FNBP1: variants seen among roughly 807,000 people sequenced by gnomAD.
FNBP1 encodes formin-binding protein 1.
Under a neutral mutation model 90.6 loss-of-function variants are expected in FNBP1, and 26 were observed. The ratio of observed to expected loss-of-function variants is 0.29; its 90% CI spans 0.21 to 0.40. FNBP1 has a LOEUF of 0.40. FNBP1 is among the 10% of genes least tolerant of loss of function. The pLI, the probability that FNBP1 is intolerant of heterozygous loss-of-function variation, is 1.00. For missense variants in FNBP1, 635 were observed against 768.0 expected (o/e 0.83, Z 2.05); for synonymous variants, 260 against 265.2 (o/e 0.98, Z 0.19).
chr9:129,898,333 A>G (rs578137556), intron 15 of FNBP1, among the ~76,000 whole-genome samples: 8 of 151,962 alleles, frequency 5.3e-5, no homozygotes, highest in Non-Finnish European at 8.8e-5. Context: ...ACATTTCACT[A>G]TTAGGACTTA....
Position 130,041,043 on chromosome 9 carries a change from C to A in FNBP1, c.24+1909G>T, listed in dbSNP as rs2059780368. Among the ~76,000 whole-genome samples, 1 of 148,932 alleles carries A rather than the reference C, an allele frequency of 6.7e-6. No homozygotes were observed. The highest frequency in any genetic ancestry group is 6.7e-5 in the Admixed American group (1 of 14,860). ...TAAGAGGAGGCCTCTCCAGATATTC[C>A]CCAAGCTGTTCTTGAACTCCTGGGC... On this transcript the variant is annotated intron_variant, in intron 1 of 16. Coordinates refer to ENST00000446176, the MANE Select transcript of FNBP1 (RefSeq NM_015033.3). The surrounding 1 kb of genome is among the most constrained non-coding windows in gnomAD (Gnocchi z 4.3).
chr9:130,043,219 C>G, upstream of FNBP1: 1 of 340,020 alleles, frequency 2.9e-6, no homozygotes, highest in Non-Finnish European at 5.3e-6. Context: ...CGCCCTACAC[C>G]CGGAGAGCGG....
At chr9:130,050,963 C>A in the FNBP1 span, among the ~76,000 whole-genome samples, 319 of 150,868 alleles carry the variant, frequency 2.1e-3, 2 homozygotes, top group African/African-American at 7.4e-3. Context: ...TGCAATGGTA[C>A]AATCTGGGCT....
chr9:129,982,400 G>A (rs2051403535), intron 2 of FNBP1, among the ~76,000 whole-genome samples: 2 of 152,144 alleles, frequency 1.3e-5, no homozygotes, highest in South Asian at 4.1e-4. Context: ...GAACCTGGGA[G>A]GCAGAGGTTG....
At chr9:129,969,112 G>T (rs1019467697) in intron 4 of FNBP1, among the ~76,000 whole-genome samples, 10 of 152,180 alleles carry the variant, frequency 6.6e-5, no homozygotes, top group Non-Finnish European at 1.2e-4. Flanking sequence ...TACATTTACA[G>T]TAGTTCTTAT....
At chr9:129,989,927 A>C (rs2052862193) in intron 2 of FNBP1, among the ~76,000 whole-genome samples, 1 of 151,944 alleles carries the variant, frequency 6.6e-6, no homozygotes. Flanking sequence ...GGTCCCAGCT[A>C]CTTGGGAGGC....
upstream of FNBP1, among the ~76,000 whole-genome samples, chr9:130,043,356 G>A (rs1392361008): frequency 2.0e-5 from 3 of 152,098 alleles, no homozygotes. Context: ...GGTCCGGAAG[G>A]ACGCGGAGGG....
chr9:129,897,662 C>A (rs1014206797), intron 15 of FNBP1, among the ~76,000 whole-genome samples: 2 of 152,060 alleles, frequency 1.3e-5, no homozygotes, highest in Non-Finnish European at 2.9e-5. Context: ...GTGGTACGAT[C>A]ATAGCTCACT....
At chr9:129,979,266 A>G in intron 3 of FNBP1, 52 bp downstream of exon 3, 4 of 1,011,096 alleles carry the variant, frequency 4.0e-6, no homozygotes, top group Non-Finnish European at 6.2e-6. Context: ...TTCCGTGTGT[A>G]GTCATCAATG....
chr9:129,997,051 G>A (rs2054117233), intron 1 of FNBP1, among the ~76,000 whole-genome samples: 1 of 151,874 alleles, frequency 6.6e-6, no homozygotes, highest in Non-Finnish European at 1.5e-5. Flanking sequence ...TTGGCCAGGT[G>A]AGGTGGCTCA....
intron 2 of FNBP1, among the ~76,000 whole-genome samples, chr9:129,987,219 G>A (rs930479644): frequency 6.6e-6 from 1 of 151,948 alleles, no homozygotes; most frequent in African/African-American, 2.4e-5. Flanking sequence ...AAGAAAGAAC[G>A]CAGGGAACAC....
At chr9:129,932,594 G>T (rs140950639) in intron 6 of FNBP1, among the ~76,000 whole-genome samples, 1 of 152,024 alleles carries the variant, frequency 6.6e-6, no homozygotes, top group South Asian at 2.1e-4. Flanking sequence ...TTATTACTGA[G>T]GTTTTTTGAG....
chr9:130,022,021 C>T (rs1005739160), intron 1 of FNBP1, among the ~76,000 whole-genome samples: 6 of 152,102 alleles, frequency 3.9e-5, no homozygotes, highest in African/African-American at 1.4e-4. Flanking sequence ...GCTACCATGC[C>T]TGGCTAACTT....
At chr9:129,902,057 G>A (rs2037062758) in intron 13 of FNBP1, among the ~76,000 whole-genome samples, 2 of 152,092 alleles carry the variant, frequency 1.3e-5, no homozygotes, top group Admixed American at 6.6e-5. Context: ...GGCTTTTGTT[G>A]ACAGCTTTTG....
intron 1 of FNBP1, among the ~76,000 whole-genome samples, chr9:130,037,044 C>CAAA (rs34633401): frequency 1.5e-5 from 2 of 129,114 alleles, no homozygotes; most frequent in Non-Finnish European, 1.6e-5. Flanking sequence ...GACTCCATCT[C>CAAA]AAAAAAAAAA....
At chr9:129,953,515 A>C (rs1347303474) in intron 6 of FNBP1, among the ~76,000 whole-genome samples, 3 of 152,184 alleles carry the variant, frequency 2.0e-5, no homozygotes, top group Middle Eastern at 3.4e-3. Context: ...ATAAATAAAT[A>C]AATAAATATC....
chr9:129,916,483 G>C (rs990432396), intron 10 of FNBP1, among the ~76,000 whole-genome samples: 5 of 152,084 alleles, frequency 3.3e-5, no homozygotes, highest in African/African-American at 1.2e-4. Flanking sequence ...CGGGTGTGGT[G>C]GTGCACACCT....
At chr9:129,960,744 A>G (rs189865992) in intron 4 of FNBP1, among the ~76,000 whole-genome samples, 1 of 152,216 alleles carries the variant, frequency 6.6e-6, no homozygotes, top group East Asian at 1.9e-4. Context: ...AGGCTTTTGT[A>G]ACAATCCTGG....
Position 129,890,405 on chromosome 9 carries a change from G to GAA in FNBP1, c.*133_*134insTT, listed in dbSNP as rs2034989696. On this transcript the variant is annotated 3_prime_UTR_variant, in exon 17 of 17. Coordinates refer to ENST00000446176, the MANE Select transcript of FNBP1 (RefSeq NM_015033.3). The surrounding 1 kb of genome is among the most constrained non-coding windows in gnomAD (Gnocchi z 5.8). ...GGCCGCAGGGAGCATGCTGGAGAGAGAGAGAGACCGCCCCGCAGGGATGGG... is the reference window on the plus strand; with the variant it reads ...GGCCGCAGGGAGCATGCTGGAGAGAGAAAGAGAGACCGCCCCGCAGGGATGGG... 2.7e-6 allele frequency: 2 copies of GAA among 753,624 alleles called. No individual in the cohort carries two copies. Among genetic ancestry groups the GAA allele is most frequent in the Non-Finnish European group, 2.3e-6 (1 of 435,222 alleles). 46.7% of individuals were successfully genotyped at this position (753,624 alleles called of 1,614,324 possible). A position where few individuals can be genotyped will look rare whatever the true frequency, so the allele number is the denominator to read the frequency against.
Sources: allele counts gnomAD v4.1 joint callset (sites outside exome capture counted in the v4.1 genomes callset), GRCh38; gene constraint gnomAD v4.1.1; non-coding constraint Gnocchi (gnomAD v3.1); transcripts MANE v1.5; gene names NCBI Gene and HGNC (gene_info 2026-07-23, HGNC 2026-07-21).